RCAN2: variants seen among roughly 807,000 people sequenced by gnomAD.
RCAN2 encodes regulator of calcineurin 2, also known as calcipressin-2.
A neutral mutation model predicts 23.6 loss-of-function variants in RCAN2; 9 were observed. The observed-to-expected ratio is 0.38, with a 90% CI of 0.23 to 0.67. The LOEUF is 0.67. Ranked by LOEUF, RCAN2 falls within the 30% of genes least tolerant of loss-of-function variation. RCAN2 has a pLI of 0.51. For synonymous variants in RCAN2, 109 were observed against 115.7 expected, an observed-to-expected ratio of 0.94 and a Z score of 0.37; for missense variants, 273 against 302.3, an observed-to-expected ratio of 0.90 and a Z score of 0.72.
intron 4 of RCAN2, among the ~76,000 whole-genome samples, chr6:46,227,730 A>T (rs1475020352): frequency 6.6e-6 from 1 of 152,152 alleles, no homozygotes; most frequent in Non-Finnish European, 1.5e-5. Flanking sequence ...TTTTCAAAAA[A>T]CCAGATCCCG....
At chr6:46,449,488 A>G (rs1335876145) in intron 2 of RCAN2, among the ~76,000 whole-genome samples, 1 of 151,534 alleles carries the variant, frequency 6.6e-6, no homozygotes, top group African/African-American at 2.4e-5. Context: ...TTTCACAGAA[A>G]TAGAAAAAAA....
chr6:46,416,812 G>A lies in RCAN2; in HGVS notation c.225+39940C>T, dbSNP rs116044459. Among the ~76,000 whole-genome samples the A allele has an allele frequency of 9.8e-3, 1,493 of 152,212 alleles. 20 individuals are homozygous for A. The highest frequency in any genetic ancestry group is 0.034 in the African/African-American group (1,412 of 41,536). ...GCTGGGATTACAGGCATGAGCCACC[G>A]TGTCCTGCTCTGATTTTCTACCATA... On this transcript the variant is annotated intron_variant, in intron 2 of 4. Transcript: ENST00000371374.
intron 2 of RCAN2, among the ~76,000 whole-genome samples, chr6:46,357,447 A>G (rs1484977405): frequency 1.3e-5 from 2 of 152,192 alleles, no homozygotes; most frequent in African/African-American, 4.8e-5. Flanking sequence ...ATTTTAATGT[A>G]TGTTTCTTGT....
intron 2 of RCAN2, among the ~76,000 whole-genome samples, chr6:46,273,951 G>A (rs1043969795): frequency 6.6e-6 from 1 of 151,954 alleles, no homozygotes; most frequent in African/African-American, 2.4e-5. Context: ...GCCTGTAGTC[G>A]TCTCTATGAA....
intron 2 of RCAN2, among the ~76,000 whole-genome samples, chr6:46,307,403 G>C (rs1763106173): frequency 6.6e-6 from 1 of 152,114 alleles, no homozygotes. Context: ...AGGCTTCAAG[G>C]CTGAGTGAGT....
chr6:46,404,013 G>T (rs1766330822), intron 2 of RCAN2, among the ~76,000 whole-genome samples: 1 of 152,146 alleles, frequency 6.6e-6, no homozygotes. Context: ...CCTAAGGTCA[G>T]GAGTTCAAGA....
intron 2 of RCAN2, among the ~76,000 whole-genome samples, chr6:46,393,943 G>A (rs189159321): frequency 3.1e-3 from 467 of 152,104 alleles, no homozygotes; most frequent in Middle Eastern, 0.024. Context: ...CAACAAATCC[G>A]GCTCGGTTTC....
intron 2 of RCAN2, among the ~76,000 whole-genome samples, chr6:46,400,216 A>G (rs1415203680): frequency 1.3e-5 from 2 of 152,186 alleles, no homozygotes; most frequent in African/African-American, 4.8e-5. Context: ...TCTCCCTGAC[A>G]TGATCTTCCA....
chr6:46,273,559 T>G (rs921360101), intron 2 of RCAN2, among the ~76,000 whole-genome samples: 2 of 152,212 alleles, frequency 1.3e-5, no homozygotes, highest in Non-Finnish European at 2.9e-5. Context: ...GTTAATCTCG[T>G]CATTCTAGTT....
intron 2 of RCAN2, among the ~76,000 whole-genome samples, chr6:46,331,465 T>C (rs1232914896): frequency 6.6e-6 from 1 of 152,252 alleles, no homozygotes; most frequent in Non-Finnish European, 1.5e-5. Flanking sequence ...TGAGGTTTAA[T>C]CTTATTAATG....
chr6:46,264,090 A>G (rs1767236189), intron 2 of RCAN2, among the ~76,000 whole-genome samples: 1 of 152,218 alleles, frequency 6.6e-6, no homozygotes, highest in Non-Finnish European at 1.5e-5. Flanking sequence ...TAGCTGAAAG[A>G]AGTAGAAAAT....
chr6:46,228,270 T>C (rs1415450285), intron 4 of RCAN2, among the ~76,000 whole-genome samples: 1 of 152,088 alleles, frequency 6.6e-6, no homozygotes, highest in Non-Finnish European at 1.5e-5. Flanking sequence ...GGGTGGAGAG[T>C]TCTGTAGATG....
intron 2 of RCAN2, among the ~76,000 whole-genome samples, chr6:46,352,157 T>C (rs949629927): frequency 2.6e-5 from 4 of 152,168 alleles, no homozygotes; most frequent in Non-Finnish European, 5.9e-5. Flanking sequence ...TCTGAAATCA[T>C]GATAATTAGT....
At chr6:46,449,464 T>C (rs1221179945) in intron 2 of RCAN2, among the ~76,000 whole-genome samples, 2 of 151,250 alleles carry the variant, frequency 1.3e-5, no homozygotes, top group Non-Finnish European at 3.0e-5. Context: ...TCTAACAAAA[T>C]TCCAATAACA....
chr6:46,267,295 C>T (rs536684335), intron 2 of RCAN2, among the ~76,000 whole-genome samples: 87 of 152,180 alleles, frequency 5.7e-4, no homozygotes, highest in Middle Eastern at 3.4e-3. Flanking sequence ...AACATAAGGA[C>T]AAAGTGACCC....
At chr6:46,246,366 C>A (rs1278517278) in intron 4 of RCAN2, among the ~76,000 whole-genome samples, 1 of 152,154 alleles carries the variant, frequency 6.6e-6, no homozygotes, top group African/African-American at 2.4e-5. Context: ...AGCAATAAAA[C>A]TGGGTTGCAC....
At chr6:46,303,587 G>T (rs563566862) in intron 2 of RCAN2, among the ~76,000 whole-genome samples, 1 of 152,066 alleles carries the variant, frequency 6.6e-6, no homozygotes, top group East Asian at 1.9e-4. Flanking sequence ...CCCCTGCCCA[G>T]CTCCGGATTT....
At chr6:46,301,876 G>A (rs1762913606) in intron 2 of RCAN2, among the ~76,000 whole-genome samples, 1 of 152,046 alleles carries the variant, frequency 6.6e-6, no homozygotes, top group Admixed American at 6.6e-5. Flanking sequence ...ATGGAATCCT[G>A]TAGTACTTTG....
chr6:46,238,619 T>C (rs1766190839), intron 4 of RCAN2, among the ~76,000 whole-genome samples: 1 of 152,190 alleles, frequency 6.6e-6, no homozygotes, highest in South Asian at 2.1e-4. Context: ...AGGGGCAGGA[T>C]CACAGCTCAC....
Sources: allele counts gnomAD v4.1 joint callset (sites outside exome capture counted in the v4.1 genomes callset), GRCh38; gene constraint gnomAD v4.1.1; transcripts MANE v1.5; gene names NCBI Gene and HGNC (gene_info 2026-07-23, HGNC 2026-07-21).